Variants in STARD13 observed in about 807,000 individuals in gnomAD.
STARD13 encodes the protein StAR related lipid transfer domain containing 13, also known as stAR-related lipid transfer protein 13.
In STARD13, 62 loss-of-function variants were observed where a neutral mutation model predicts 106.4. That is an observed-to-expected ratio of 0.58 (90% CI 0.48 to 0.72). The LOEUF (loss-of-function observed/expected upper bound fraction) is 0.72. Ranked by LOEUF, STARD13 falls within the 30% of genes least tolerant of loss-of-function variation. STARD13 has a pLI of 0.00. For synonymous variants in STARD13, 565 were observed against 553.0 expected (o/e 1.02, Z -0.31); for missense variants, 1,387 against 1,424.0 (o/e 0.97, Z 0.42).
In STARD13 at chr13:33,109,866, G is replaced by T; in HGVS notation, c.3047+7C>A. On this transcript the variant is annotated splice_region_variant and intron_variant, in intron 12 of 13. Coordinates refer to ENST00000336934, the MANE Select transcript of STARD13 (RefSeq NM_178006.4). ...CAGAACATCATAAACCCTAGAGTCA[G>T]GCTCACCTGAGAACCACAAAGTCTC... The T allele has an allele frequency of 6.2e-7, 1 of 1,613,868 alleles. No individual in the cohort carries two copies. Among genetic ancestry groups the T allele is most frequent in the Non-Finnish European group, 8.5e-7 (1 of 1,179,718 alleles).
chr13:33,663,087 CT>C, the STARD13 span, among the ~76,000 whole-genome samples: 1 of 151,900 alleles, frequency 6.6e-6, no homozygotes, highest in Admixed American at 6.6e-5. Flanking sequence ...ATATTACTTT[CT>C]TTTTTTTGGA....
At chr13:33,392,684 G>A in the STARD13 span, among the ~76,000 whole-genome samples, 1 of 152,332 alleles carries the variant, frequency 6.6e-6, no homozygotes, top group Admixed American at 6.5e-5. Flanking sequence ...ACAGGTGTGA[G>A]CCACTGTGCC....
chr13:33,595,981 A>G, the STARD13 span, among the ~76,000 whole-genome samples: 35,620 of 151,972 alleles, frequency 0.23, 5,465 homozygotes, highest in African/African-American at 0.42. Context: ...TTGGATCTTG[A>G]GTATTTGTAG....
chr13:33,197,570 TA>T (rs1886720836), intron 1 of STARD13, among the ~76,000 whole-genome samples: 1 of 152,188 alleles, frequency 6.6e-6, no homozygotes, highest in Admixed American at 6.5e-5. Context: ...ACAAACTTTA[TA>T]AATATTCTCT....
the STARD13 span, among the ~76,000 whole-genome samples, chr13:33,464,045 ATATG>A: frequency 1.4e-5 from 2 of 147,080 alleles, no homozygotes; most frequent in Non-Finnish European, 1.5e-5. Context: ...ATATATATGT[ATATG>A]TATATGTATA....
At chr13:33,351,093 A>T (rs2078074739), upstream of STARD13, among the ~76,000 whole-genome samples, 1 of 152,170 alleles carries the variant, frequency 6.6e-6, no homozygotes. Flanking sequence ...CATTATGTTA[A>T]TCCTTCCTGA....
upstream of STARD13, among the ~76,000 whole-genome samples, chr13:33,352,785 A>G (rs1414344848): frequency 6.6e-6 from 1 of 152,232 alleles, no homozygotes; most frequent in Non-Finnish European, 1.5e-5. Context: ...ACAAATGCCA[A>G]GTGTTCCAAC....
At position 33,130,905 on chromosome 13, in the gene STARD13, T is replaced by C. The variant is rs190358209; in HGVS notation, c.388-616A>G. ...AGGGAGCCATTCTGGAGATCGCTAT[T>C]TGTGATCCAATCCGGCTACTCTGCA... On this transcript the variant is annotated intron_variant, in intron 4 of 13. Coordinates refer to ENST00000336934, the MANE Select transcript of STARD13 (RefSeq NM_178006.4). The surrounding 1 kb of genome is among the most constrained non-coding windows in gnomAD (Gnocchi z 4.1). Among the ~76,000 whole-genome samples the C allele has an allele frequency of 4.1e-4, 63 of 152,348 alleles. No homozygotes were observed. The highest frequency in any genetic ancestry group is 3.4e-3 in the Middle Eastern group (1 of 294).
At chr13:33,460,004 C>G in the STARD13 span, among the ~76,000 whole-genome samples, 49 of 152,118 alleles carry the variant, frequency 3.2e-4, no homozygotes, top group African/African-American at 1.1e-3. Flanking sequence ...TTAAGTAATT[C>G]CTTTATAATG....
At chr13:33,590,961 G>T in the STARD13 span, among the ~76,000 whole-genome samples, 1 of 152,000 alleles carries the variant, frequency 6.6e-6, no homozygotes, top group Non-Finnish European at 1.5e-5. Context: ...AAGTCTCCTC[G>T]TACTTGTATA....
the STARD13 span, among the ~76,000 whole-genome samples, chr13:33,386,290 A>G: frequency 6.6e-6 from 1 of 152,184 alleles, no homozygotes; most frequent in Non-Finnish European, 1.5e-5. Flanking sequence ...CCAAGATTCA[A>G]GGTTTTCTTG....
chr13:33,230,256 A>G (rs1210498932), intron 1 of STARD13, among the ~76,000 whole-genome samples: 1 of 152,216 alleles, frequency 6.6e-6, no homozygotes, highest in Admixed American at 6.5e-5. Context: ...GCAGCTAGTT[A>G]GTTTTACTGT....
chr13:33,167,517 C>T (rs775587464), intron 2 of STARD13, 34 bp downstream of exon 2: 2 of 1,608,998 alleles, frequency 1.2e-6, no homozygotes, highest in Middle Eastern at 1.7e-4. Flanking sequence ...TGGATTTATT[C>T]TCTGTGTAAG....
rs758941461 is a variant in STARD13 at position 33,129,044 on chromosome 13, G to A, written c.1633C>T (p.Arg545Trp). 5.0e-6 allele frequency: 8 copies of A among 1,614,012 alleles called. No homozygotes were observed. Among genetic ancestry groups the A allele is most frequent in the South Asian group, 1.1e-5 (1 of 91,028 alleles). Residue 545 changes from arginine to tryptophan, a missense_variant, in exon 5 of 14, where the codon CGG (arginine) becomes TGG (tryptophan). Physicochemically the swap from Arg to Trp is moderately radical, Grantham distance 101. Transcript: ENST00000336934. ...CTTTCCACATCACTGGGTGTCGTCC[G>A]ACCTTCTGAGACAGAGTTACCTTCA... ...DFEGNSVSEG[R>W]TTPSDVERDV...
the STARD13 span, among the ~76,000 whole-genome samples, chr13:33,549,342 C>T: frequency 6.6e-5 from 10 of 152,284 alleles, no homozygotes; most frequent in African/African-American, 1.7e-4. Context: ...TAAATATACT[C>T]GGTCATTGAA....
At chr13:33,432,924 T>C in the STARD13 span, among the ~76,000 whole-genome samples, 1 of 152,198 alleles carries the variant, frequency 6.6e-6, no homozygotes, top group South Asian at 2.1e-4. Flanking sequence ...TAAATTTATA[T>C]TACTTAATAA....
chr13:33,492,849 G>A, the STARD13 span, among the ~76,000 whole-genome samples: 3 of 152,108 alleles, frequency 2.0e-5, no homozygotes, highest in Admixed American at 6.5e-5. Context: ...TTTCTTGTGC[G>A]AGATCCAGGA....
At chr13:33,545,505 T>C in the STARD13 span, among the ~76,000 whole-genome samples, 3 of 152,242 alleles carry the variant, frequency 2.0e-5, no homozygotes, top group Non-Finnish European at 2.9e-5. Context: ...ATATTTCATA[T>C]ACCTGCTGTA....
chr13:33,490,182 G>A, the STARD13 span, among the ~76,000 whole-genome samples: 3 of 152,064 alleles, frequency 2.0e-5, no homozygotes, highest in African/African-American at 7.2e-5. Flanking sequence ...AATTCCACAT[G>A]CTTATTTTGC....
Sources: gnomAD v4.1 joint callset for allele counts (sites outside exome capture counted in the v4.1 genomes callset) on GRCh38, gnomAD v4.1.1 for gene constraint, Gnocchi (gnomAD v3.1) non-coding constraint, MANE v1.5 for transcripts, NCBI Gene and HGNC (gene_info 2026-07-23, HGNC 2026-07-21) for gene names.